LCA5L: variants seen among roughly 807,000 people sequenced by gnomAD.
The protein encoded by LCA5L is lebercilin LCA5 like.
A neutral mutation model predicts 45.4 loss-of-function variants in LCA5L; 35 were observed. The ratio of observed to expected loss-of-function variants is 0.77; its 90% CI spans 0.59 to 1.02. The LOEUF is 1.02. Among genes scored for constraint, LCA5L ranks in the 50% least tolerant of loss-of-function variants. LCA5L has a pLI of 0.00. For missense variants in LCA5L, 668 were observed against 761.6 expected (o/e 0.88, Z 1.45); for synonymous variants, 233 against 264.7 (o/e 0.88, Z 1.16).
intron 2 of LCA5L, among the ~76,000 whole-genome samples, chr21:39,442,811 T>A (rs1263212097): frequency 1.3e-5 from 2 of 151,968 alleles, no homozygotes; most frequent in Non-Finnish European, 2.9e-5. Flanking sequence ...TGAGAAAGGG[T>A]CAAGTTGGAG....
rs559909004 is a variant in LCA5L, at chr21:39,417,232, G to A, written c.975+3474C>T. ...ATTTTTGTATTTTTGTAGAGATGGGGTTTCACCATGTTGGCCAGGCTGGTC... is the reference window on the plus strand; with the variant it reads ...ATTTTTGTATTTTTGTAGAGATGGGATTTCACCATGTTGGCCAGGCTGGTC... On this transcript the variant is annotated intron_variant, in intron 7 of 10. Transcript: ENST00000288350. Among the ~76,000 whole-genome samples, 5 of 152,168 alleles carry A rather than the reference G, an allele frequency of 3.3e-5. No individual in the cohort carries two copies. The South Asian group carries it at 6.2e-4, about 19-fold the overall frequency.
chr21:39,421,107 T>G (rs1157318123), intron 6 of LCA5L, among the ~76,000 whole-genome samples: 1 of 151,724 alleles, frequency 6.6e-6, no homozygotes, highest in Non-Finnish European at 1.5e-5. Flanking sequence ...ATTCGTTTTT[T>G]TTTTTTTTTT....
intron 2 of LCA5L, among the ~76,000 whole-genome samples, chr21:39,442,876 T>A (rs2077010114): frequency 6.7e-6 from 1 of 150,042 alleles, no homozygotes; most frequent in Admixed American, 6.6e-5. Context: ...CGTGTGAATC[T>A]GTGCCTTGTG....
At chr21:39,416,598 T>C (rs1601769045) in intron 7 of LCA5L, among the ~76,000 whole-genome samples, 1 of 152,190 alleles carries the variant, frequency 6.6e-6, no homozygotes, top group Non-Finnish European at 1.5e-5. Context: ...GAATATTGCA[T>C]ACTTTCACTT....
At chr21:39,439,180 G>A (rs1470976743) in intron 2 of LCA5L, among the ~76,000 whole-genome samples, 1 of 151,988 alleles carries the variant, frequency 6.6e-6, no homozygotes, top group Non-Finnish European at 1.5e-5. Context: ...GTCAGAGGGA[G>A]AAGACACGAC....
intron 8 of LCA5L, chr21:39,411,166 A>C: frequency 3.3e-6 from 1 of 302,114 alleles, no homozygotes; most frequent in Non-Finnish European, 6.5e-6. Context: ...AGAACAGACA[A>C]CCTAGGCTAT....
chr21:39,444,548 G>A (rs1417418441), intron 1 of LCA5L: 1 of 152,116 alleles, frequency 6.6e-6, no homozygotes, highest in East Asian at 1.9e-4. Context: ...CGAAATAACA[G>A]AGAACGGGGA....
intron 7 of LCA5L, among the ~76,000 whole-genome samples, chr21:39,414,740 CTCTGTGTGTGTGTGTGTG>C (rs1347207653): frequency 2.9e-5 from 3 of 104,064 alleles, no homozygotes; most frequent in African/African-American, 1.2e-4. Flanking sequence ...CTCTCTCTCT[CTCTGTGTGTGTGTGTGTG>C]TGTGTGTGTG....
chr21:39,414,736 C>G (rs1350972045), intron 7 of LCA5L, among the ~76,000 whole-genome samples: 1,118 of 91,954 alleles, frequency 0.012, 12 homozygotes, highest in African/African-American at 0.042. Context: ...CTCTCTCTCT[C>G]TCTCTCTGTG....
rs1215561179 is a variant in LCA5L at position 39,406,237 on chromosome 21, T to C, written c.1658A>G (p.His553Arg). ...GTTACTGAGATGCTTGCCTGTACTATGACTGTACCTCATGTTGCCGGCATT... is the reference window on the plus strand; with the variant it reads ...GTTACTGAGATGCTTGCCTGTACTACGACTGTACCTCATGTTGCCGGCATT... ...PANAGNMRYS[H>R]STGKHLSNRE... Residue 553 changes from histidine (H) to arginine (R), a missense_variant, in exon 11 of 11, where the codon CAT becomes CGT. By Grantham distance (29) the His-to-Arg change is conservative. Transcript: ENST00000288350. 1.2e-6 allele frequency: 2 copies of C among 1,614,258 alleles called. No individual in the cohort carries two copies. The highest frequency in any genetic ancestry group is 1.1e-5 in the South Asian group (1 of 91,090).
Position 39,424,712 on chromosome 21 carries a change from G to A in LCA5L, c.323-1222C>T, listed in dbSNP as rs377105453. 3.9e-5 allele frequency among the ~76,000 whole-genome samples: 6 copies of A among 152,136 alleles called. No homozygotes were observed. In the East Asian group the frequency reaches 5.8e-4, roughly 15 times the overall value. ...GAGTCTATCTGTTTATACAGATACC[G>A]ATTTTCCATCTCTCAATAAATCCAA... On this transcript the variant is annotated intron_variant, in intron 5 of 10. Transcript: ENST00000288350.
chr21:39,432,215 A>T (rs1365347500), intron 3 of LCA5L, among the ~76,000 whole-genome samples: 2 of 152,178 alleles, frequency 1.3e-5, no homozygotes, highest in Non-Finnish European at 2.9e-5. Flanking sequence ...TGTCACTAAA[A>T]TCAGCTTTTA....
intron 7 of LCA5L, among the ~76,000 whole-genome samples, chr21:39,415,601 A>G (rs764872708): frequency 1.2e-4 from 19 of 152,320 alleles, no homozygotes; most frequent in Non-Finnish European, 2.5e-4. Flanking sequence ...CCCCCAATCA[A>G]TAATTCCTTC....
At chr21:39,423,841 T>C (rs2074163525) in intron 5 of LCA5L, among the ~76,000 whole-genome samples, 1 of 152,184 alleles carries the variant, frequency 6.6e-6, no homozygotes, top group South Asian at 2.1e-4. Context: ...TAGATTTCTA[T>C]TATAACAGCT....
chr21:39,417,829 G>A (rs896500832), intron 7 of LCA5L, among the ~76,000 whole-genome samples: 9 of 151,946 alleles, frequency 5.9e-5, no homozygotes, highest in Admixed American at 2.6e-4. Context: ...GCGGTGGCGT[G>A]ATCTCCGCTC....
chr21:39,406,399 C>T lies in LCA5L; in HGVS notation c.1496G>A (p.Arg499Lys). ...GCCAAGTGTGTCATCCACACCATTT[C>T]TCTGCATGCTTCTTTTAAACTTTTC... ...VREKFKRSMQ[R>K]NGVDDTLGKG... is the part of the protein sequence containing the mutation. The change falls in exon 11 of 11, where the codon AGA becomes AAA. Residue 499 changes from arginine to lysine, a missense_variant. By Grantham distance (26) the Arg-to-Lys change is conservative. Coordinates refer to ENST00000288350, the MANE Select transcript of LCA5L (RefSeq NM_152505.4). 1 of 1,614,140 alleles carries T rather than the reference C, an allele frequency of 6.2e-7. No homozygotes were observed. The highest frequency in any genetic ancestry group is 8.5e-7 in the Non-Finnish European group (1 of 1,180,016).
chr21:39,431,195 G>A (rs1046865809), intron 3 of LCA5L, among the ~76,000 whole-genome samples: 1 of 152,186 alleles, frequency 6.6e-6, no homozygotes, highest in East Asian at 1.9e-4. Context: ...CCCTCTCCAC[G>A]TGGATGTGCA....
chr21:39,420,347 G>C (rs2042069458), intron 7 of LCA5L, among the ~76,000 whole-genome samples: 2 of 151,816 alleles, frequency 1.3e-5, no homozygotes, highest in Non-Finnish European at 2.9e-5. Flanking sequence ...CACGGCAAAA[G>C]CCCGTCTCTA....
At chr21:39,407,466 G>A (rs1314058976) in intron 10 of LCA5L, among the ~76,000 whole-genome samples, 1 of 152,136 alleles carries the variant, frequency 6.6e-6, no homozygotes. Flanking sequence ...TTCTTAGAAC[G>A]AACCTACAAA....
Sources: allele counts gnomAD v4.1 joint callset (sites outside exome capture counted in the v4.1 genomes callset), GRCh38; gene constraint gnomAD v4.1.1; transcripts MANE v1.5; gene names NCBI Gene and HGNC (gene_info 2026-07-23, HGNC 2026-07-21).